ADAM10: variants seen among roughly 807,000 people sequenced by gnomAD.
The protein encoded by ADAM10 is ADAM metallopeptidase domain 10.
ADAM10 carries 17 observed loss-of-function variants against 90.1 expected under a neutral mutation model. That is an observed-to-expected ratio of 0.19 (90% CI 0.13 to 0.28). ADAM10 has a LOEUF of 0.28. ADAM10 is among the 10% of genes least tolerant of loss of function. The pLI is 1.00. For missense variants in ADAM10, 610 were observed against 914.3 expected (o/e 0.67, Z 4.29); for synonymous variants, 310 against 298.6 (o/e 1.04, Z -0.40).
chr15:58,724,342 G>A (rs1898959943), intron 1 of ADAM10, among the ~76,000 whole-genome samples: 2 of 151,956 alleles, frequency 1.3e-5, no homozygotes, highest in African/African-American at 2.4e-5. Context: ...GGGAGGCAGG[G>A]TAAAAAAGAA....
At chr15:58,730,260 G>A (rs1347815005) in intron 1 of ADAM10, among the ~76,000 whole-genome samples, 1 of 152,156 alleles carries the variant, frequency 6.6e-6, no homozygotes, top group Non-Finnish European at 1.5e-5. Flanking sequence ...GATGTCTCAG[G>A]CAATATACTG....
intron 2 of ADAM10, among the ~76,000 whole-genome samples, chr15:58,694,275 AC>A (rs1897911334): frequency 1.3e-5 from 2 of 152,144 alleles, no homozygotes; most frequent in Admixed American, 1.3e-4. Context: ...CATGTTTGAA[AC>A]CCCGTCTGTA....
intron 5 of ADAM10, among the ~76,000 whole-genome samples, chr15:58,651,948 A>G (rs8037957): frequency 0.99 from 150,905 of 152,312 alleles, 74,771 homozygotes; most frequent in Middle Eastern, 1. Flanking sequence ...ATTTTTACTG[A>G]GGTGAGACGG....
chr15:58,692,585 G>A, intron 2 of ADAM10: 2 of 554,332 alleles, frequency 3.6e-6, no homozygotes, highest in Non-Finnish European at 3.6e-6. Flanking sequence ...ATGAACTGAG[G>A]GTGCTTCTTC....
chr15:58,687,859 G>C lies in ADAM10; in HGVS notation c.207-5545C>G, dbSNP rs541325438. Among the ~76,000 whole-genome samples, 4 of 152,264 alleles carry C rather than the reference G, an allele frequency of 2.6e-5. No individual in the cohort carries two copies. In the South Asian group the frequency reaches 8.3e-4, roughly 32 times the overall value. ...ACAATCATGAAATAATCTAATTATG[G>C]AGATGGAGAACCAATTAATGGTTGT... On this transcript the variant is annotated intron_variant, in intron 2 of 15. Coordinates refer to ENST00000260408, the MANE Select transcript of ADAM10 (RefSeq NM_001110.4).
intron 4 of ADAM10, chr15:58,672,793 A>C (rs1897225089): frequency 1.5e-5 from 1 of 68,276 alleles, no homozygotes; most frequent in African/African-American, 7.5e-5. Context: ...CAGCAAAAAA[A>C]AAAAAAAAAA....
chr15:58,739,880 A>AT (rs1899549938), intron 1 of ADAM10, among the ~76,000 whole-genome samples: 1 of 152,236 alleles, frequency 6.6e-6, no homozygotes, highest in Non-Finnish European at 1.5e-5. Flanking sequence ...ACTAATGCCA[A>AT]TATCTGCTGA....
chr15:58,704,475 T>C (rs1161030307), intron 2 of ADAM10, among the ~76,000 whole-genome samples: 1 of 152,188 alleles, frequency 6.6e-6, no homozygotes, highest in African/African-American at 2.4e-5. Flanking sequence ...ACTTTGGCAA[T>C]ACAGAGAGGA....
At chr15:58,642,380 G>A (rs950885875) in intron 7 of ADAM10, among the ~76,000 whole-genome samples, 3 of 151,796 alleles carry the variant, frequency 2.0e-5, no homozygotes, top group Non-Finnish European at 2.9e-5. Context: ...TGGGAGAATC[G>A]CTTGAAACTG....
chr15:58,718,081 G>C (rs1898725058), intron 1 of ADAM10, among the ~76,000 whole-genome samples: 1 of 152,018 alleles, frequency 6.6e-6, no homozygotes, highest in African/African-American at 2.4e-5. Context: ...AGGACTGCTT[G>C]AGGCCAGGAA....
intron 8 of ADAM10, among the ~76,000 whole-genome samples, chr15:58,633,986 G>A (rs1471780709): frequency 2.6e-5 from 4 of 151,668 alleles, no homozygotes; most frequent in African/African-American, 7.3e-5. Flanking sequence ...AAGCAAATGC[G>A]ACAAAAGGTT....
In ADAM10 at chr15:58,643,928, G is replaced by A; in HGVS notation, c.786C>T (p.Phe262=). ...AIDTIYQTTD[F]SGIRNISFMV... Reference sequence around the variant, plus strand: ...TGAAACTGATGTTACGGATTCCGGAGAAGTCTGTGGTCTGGTAAATTGTAT... The same window carrying A: ...TGAAACTGATGTTACGGATTCCGGAAAAGTCTGTGGTCTGGTAAATTGTAT... Residue 262 remains phenylalanine (F), a synonymous_variant, in exon 7 of 16, where the codon TTC becomes TTT. Transcript: ENST00000260408. 1.2e-6 allele frequency: 2 copies of A among 1,613,596 alleles called. No individual in the cohort carries two copies. Among genetic ancestry groups the A allele is most frequent in the Non-Finnish European group, 1.7e-6 (2 of 1,179,594 alleles).
chr15:58,608,284 T>TGA (rs1895333326), intron 14 of ADAM10, among the ~76,000 whole-genome samples: 1 of 152,152 alleles, frequency 6.6e-6, no homozygotes, highest in South Asian at 2.1e-4. Flanking sequence ...AGGAAAGTAG[T>TGA]GAAACTAACC....
chr15:58,625,531 C>G (rs1327683476), intron 10 of ADAM10, among the ~76,000 whole-genome samples: 1 of 152,138 alleles, frequency 6.6e-6, no homozygotes, highest in Non-Finnish European at 1.5e-5. Context: ...TGCAGAGAAA[C>G]TGGATCATTT....
intron 1 of ADAM10, among the ~76,000 whole-genome samples, chr15:58,725,265 G>A: frequency 6.6e-6 from 1 of 150,918 alleles, no homozygotes; most frequent in African/African-American, 2.4e-5. Flanking sequence ...GCATGGTAGT[G>A]CATGCCTGCA....
chr15:58,612,714 G>C (rs1895480079), intron 11 of ADAM10, among the ~76,000 whole-genome samples: 1 of 152,080 alleles, frequency 6.6e-6, no homozygotes, highest in African/African-American at 2.4e-5. Context: ...TGTGCTCTGG[G>C]CTCAAATCTC....
intron 7 of ADAM10, 50 bp from the exon 8 acceptor site, chr15:58,641,010 T>C (rs367821681): frequency 2.6e-6 from 4 of 1,519,028 alleles, no homozygotes; most frequent in African/African-American, 1.4e-5. Flanking sequence ...AGCAGAGCTT[T>C]AGTGTGAATG....
intron 2 of ADAM10, among the ~76,000 whole-genome samples, chr15:58,685,130 T>G (rs1897553088): frequency 7.2e-6 from 1 of 138,620 alleles, no homozygotes; most frequent in Non-Finnish European, 1.5e-5. Context: ...TTACATGTAA[T>G]CAAATCATAG....
At chr15:58,692,944 G>C in intron 2 of ADAM10, 1 of 719,572 alleles carries the variant, frequency 1.4e-6, no homozygotes, top group Middle Eastern at 2.4e-4. Flanking sequence ...GTTGACCAAA[G>C]TCAGGATGCA....
Sources: allele counts gnomAD v4.1 joint callset (sites outside exome capture counted in the v4.1 genomes callset), GRCh38; gene constraint gnomAD v4.1.1; transcripts MANE v1.5; gene names NCBI Gene and HGNC (gene_info 2026-07-23, HGNC 2026-07-21).